GRIK2: variants seen among roughly 807,000 people sequenced by gnomAD.
The protein encoded by GRIK2 is glutamate ionotropic receptor kainate type subunit 2.
Under a neutral mutation model 100.3 loss-of-function variants are expected in GRIK2, and 32 were observed. The observed-to-expected ratio is 0.32, with a 90% CI of 0.24 to 0.43. The LOEUF (loss-of-function observed/expected upper bound fraction) is 0.43, where lower values mean the gene tolerates loss of function less well. GRIK2 is among the 20% of genes least tolerant of loss of function. The pLI is 1.00. For missense variants in GRIK2, 843 were observed against 1,114.9 expected (o/e 0.76, Z 3.47); for synonymous variants, 417 against 389.4 (o/e 1.07, Z -0.83).
At chr6:101,814,267 T>C (rs1337119681) in intron 9 of GRIK2, among the ~76,000 whole-genome samples, 3 of 151,866 alleles carry the variant, frequency 2.0e-5, no homozygotes, top group Non-Finnish European at 4.4e-5. Flanking sequence ...AGTTAGGACA[T>C]TGAAAAAATC....
chr6:101,762,394 G>A (rs1356520457), intron 7 of GRIK2, among the ~76,000 whole-genome samples: 1 of 151,902 alleles, frequency 6.6e-6, no homozygotes, highest in African/African-American at 2.4e-5. Context: ...TGCTGCCCAA[G>A]TTGGTTTCAA....
Position 101,942,850 on chromosome 6 carries a change from G to A in GRIK2, c.2085+14218G>A, listed in dbSNP as rs546964386. On this transcript the variant is annotated intron_variant, in intron 14 of 16. Coordinates refer to ENST00000369134, the MANE Select transcript of GRIK2 (RefSeq NM_021956.5). Reference sequence around the variant, plus strand: ...TAATTTTTAGCTTGAACATGTGGTAGAAAAGAAAAATTCATTTTCTGAGGA... The same window carrying A: ...TAATTTTTAGCTTGAACATGTGGTAAAAAAGAAAAATTCATTTTCTGAGGA... Among the ~76,000 whole-genome samples, 7 of 152,296 alleles carry A rather than the reference G, an allele frequency of 4.6e-5. No homozygotes were observed. In the South Asian group the frequency reaches 1.5e-3, roughly 32 times the overall value.
At chr6:101,936,370 GTGGTAGTATTTTGTTCAATAAAATAAGGT>G (rs1790618989) in intron 14 of GRIK2, among the ~76,000 whole-genome samples, 1 of 151,946 alleles carries the variant, frequency 6.6e-6, no homozygotes, top group African/African-American at 2.4e-5. Flanking sequence ...ATTAGATTAC[GTGGTAGTATTTTGTTCAATAAAATAAGGT>G]TGGTATTTTA....
At chr6:101,923,177 T>C (rs576491033) in intron 12 of GRIK2, among the ~76,000 whole-genome samples, 1 of 152,306 alleles carries the variant, frequency 6.6e-6, no homozygotes, top group East Asian at 1.9e-4. Flanking sequence ...AGGAACATTA[T>C]TGTGAAGAAA....
At chr6:101,861,305 T>C (rs1246912881) in intron 11 of GRIK2, among the ~76,000 whole-genome samples, 1 of 152,172 alleles carries the variant, frequency 6.6e-6, no homozygotes, top group Non-Finnish European at 1.5e-5. Flanking sequence ...GTGTTTGTGT[T>C]GAGGGCTAAA....
chr6:101,835,025 C>T lies in GRIK2; in HGVS notation c.1317+16542C>T, dbSNP rs896194042. Reference sequence around the variant, plus strand: ...CTCTAAATAAATAAAAACTTACATACATACATAAAGTCAACTTCCACATTT... The same window carrying T: ...CTCTAAATAAATAAAAACTTACATATATACATAAAGTCAACTTCCACATTT... On this transcript the variant is annotated intron_variant, in intron 10 of 16. Coordinates refer to ENST00000369134, the MANE Select transcript of GRIK2 (RefSeq NM_021956.5). Among the ~76,000 whole-genome samples the T allele has an allele frequency of 5.3e-5, 8 of 151,126 alleles. No individual in the cohort carries two copies. The Admixed American group carries it at 5.3e-4, about 10-fold the overall frequency.
chr6:102,056,766 C>T (rs917245912), intron 16 of GRIK2, among the ~76,000 whole-genome samples: 1 of 151,808 alleles, frequency 6.6e-6, no homozygotes, highest in African/African-American at 2.4e-5. Context: ...ATTTATCCTT[C>T]CTGGAATCAG....
intron 2 of GRIK2, among the ~76,000 whole-genome samples, chr6:101,570,490 C>A (rs1777479181): frequency 6.6e-6 from 1 of 152,240 alleles, no homozygotes; most frequent in African/African-American, 2.4e-5. Flanking sequence ...CCTTCTCCCC[C>A]TGCCAGCTCC....
At chr6:101,591,471 T>C (rs1305504516) in intron 2 of GRIK2, among the ~76,000 whole-genome samples, 1 of 152,038 alleles carries the variant, frequency 6.6e-6, no homozygotes, top group Admixed American at 6.6e-5. Context: ...AATGAAATAT[T>C]AAACTATGAA....
intron 14 of GRIK2, among the ~76,000 whole-genome samples, chr6:101,937,030 G>T (rs1021048304): frequency 1.3e-5 from 2 of 152,034 alleles, no homozygotes; most frequent in African/African-American, 4.8e-5. Flanking sequence ...TTTTATCTTC[G>T]AAAGTAGCCT....
At chr6:101,869,700 T>C (rs901317881) in intron 11 of GRIK2, among the ~76,000 whole-genome samples, 2 of 151,828 alleles carry the variant, frequency 1.3e-5, no homozygotes, top group African/African-American at 4.8e-5. Context: ...TTTATTTGCC[T>C]TTTTTCGAAT....
In GRIK2 at chr6:101,960,053, GTT is replaced by G. The variant is rs781532291; in HGVS notation, c.2085+31433_2085+31434del. Among the ~76,000 whole-genome samples the G allele has an allele frequency of 7.9e-4, 104 of 131,022 alleles. 1 individual carries two copies. The highest frequency in any genetic ancestry group is 1.2e-3 in the Non-Finnish European group (77 of 62,438). The allele number at this position is 131,022 out of a possible 152,430, so 86.0% of individuals were successfully genotyped here. On this transcript the variant is annotated intron_variant, in intron 14 of 16. Transcript: ENST00000369134. ...TCTCAAAGCCTTTTTTTAGTGTTTT[GTT>G]TTTTTTTTTTTGTCTGACTTGGTTA...
rs374242493 is a variant in GRIK2, at chr6:101,679,740, T to TTTTG, written c.724-2796_724-2793dup. On this transcript the variant is annotated intron_variant, in intron 5 of 16. Transcript: ENST00000369134. Reference sequence around the variant, plus strand: ...AAATAACTACTATTTCTACCTCCAATTTTGTTTGTTTGTTTGTTTGATGGA... The same window carrying TTTTG: ...AAATAACTACTATTTCTACCTCCAATTTTGTTTGTTTGTTTGTTTGTTTGATGGA... Among the ~76,000 whole-genome samples, 6 of 152,202 alleles carry TTTTG rather than the reference T, an allele frequency of 3.9e-5. No individual in the cohort carries two copies. In the East Asian group the frequency reaches 9.7e-4, roughly 25 times the overall value.
Position 102,069,325 on chromosome 6 carries a change from T to TAAC in GRIK2, c.*816_*817insCAA, listed in dbSNP as rs1174393115. ...ATAATAATAATAATAATAATAATAA[T>TAAC]AATAATAATAATAAAAGCAGTTGGT... On this transcript the variant is annotated 3_prime_UTR_variant, in exon 17 of 17. Coordinates refer to ENST00000369134, the MANE Select transcript of GRIK2 (RefSeq NM_021956.5). 6.8e-6 allele frequency: 1 copy of TAAC among 147,662 alleles called. No homozygotes were observed. Among genetic ancestry groups the TAAC allele is most frequent in the Non-Finnish European group, 1.5e-5 (1 of 67,064 alleles). 9.1% of individuals were successfully genotyped at this position (147,662 alleles called of 1,614,324 possible).
At chr6:101,899,405 A>G (rs1430898082) in intron 12 of GRIK2, among the ~76,000 whole-genome samples, 1 of 151,998 alleles carries the variant, frequency 6.6e-6, no homozygotes, top group Non-Finnish European at 1.5e-5. Context: ...AATGACAGTA[A>G]ACCATATTAA....
At chr6:102,029,957 T>G (rs1254384704) in intron 14 of GRIK2, among the ~76,000 whole-genome samples, 1 of 151,194 alleles carries the variant, frequency 6.6e-6, no homozygotes, top group Non-Finnish European at 1.5e-5. Flanking sequence ...CATAATCAGT[T>G]TAATTAACAT....
intron 7 of GRIK2, among the ~76,000 whole-genome samples, chr6:101,752,417 AC>A (rs1360732355): frequency 6.6e-6 from 1 of 152,198 alleles, no homozygotes; most frequent in East Asian, 1.9e-4. Context: ...GGGAATTGTT[AC>A]ATCAAAACTG....
intron 2 of GRIK2, among the ~76,000 whole-genome samples, chr6:101,583,180 C>T (rs1778182288): frequency 6.6e-6 from 1 of 151,996 alleles, no homozygotes; most frequent in African/African-American, 2.4e-5. Flanking sequence ...TGAGAAAAGA[C>T]TGATTGAGGT....
chr6:101,726,864 C>T lies in GRIK2; in HGVS notation c.951+40511C>T, dbSNP rs140968668. Among the ~76,000 whole-genome samples the T allele has an allele frequency of 2.0e-5, 3 of 152,010 alleles. No homozygotes were observed. In the East Asian group the frequency reaches 5.8e-4, roughly 29 times the overall value. Reference sequence around the variant, plus strand: ...ATCATTTTGTTTTTTATAACATCTCCACAACATAGGAATCAAGTCATGAAA... The same window carrying T: ...ATCATTTTGTTTTTTATAACATCTCTACAACATAGGAATCAAGTCATGAAA... On this transcript the variant is annotated intron_variant, in intron 7 of 16. Coordinates refer to ENST00000369134, the MANE Select transcript of GRIK2 (RefSeq NM_021956.5).
Sources: gnomAD v4.1 joint callset for allele counts (sites outside exome capture counted in the v4.1 genomes callset) on GRCh38, gnomAD v4.1.1 for gene constraint, MANE v1.5 for transcripts, NCBI Gene and HGNC (gene_info 2026-07-23, HGNC 2026-07-21) for gene names.